The following CACNB2 variants were observed in gnomAD, a reference collection of about 807,000 sequenced individuals.
The protein encoded by CACNB2 is calcium voltage-gated channel auxiliary subunit beta 2.
Under a neutral mutation model 73.3 loss-of-function variants are expected in CACNB2, and 42 were observed. The observed-to-expected ratio is 0.57, with a 90% CI of 0.45 to 0.74. The LOEUF (loss-of-function observed/expected upper bound fraction) is 0.74, where lower values mean the gene tolerates loss of function less well. Ranked by LOEUF, CACNB2 falls within the 30% of genes least tolerant of loss-of-function variation. The probability of loss-of-function intolerance (pLI) is 0.00; values close to 1 mark genes in which losing one functional copy is unlikely to be tolerated. For missense variants in CACNB2, 940 were observed against 853.0 expected (o/e 1.10, Z -1.27); for synonymous variants, 348 against 310.3 (o/e 1.12, Z -1.28).
At chr10:18,532,754 C>T (rs2053193251) in intron 10 of CACNB2, among the ~76,000 whole-genome samples, 1 of 149,166 alleles carries the variant, frequency 6.7e-6, no homozygotes, top group South Asian at 2.1e-4. Context: ...TAAACTTGTA[C>T]TACTCAAACC....
chr10:18,410,695 G>A (rs2044572804), intron 3 of CACNB2, among the ~76,000 whole-genome samples: 1 of 152,086 alleles, frequency 6.6e-6, no homozygotes, highest in Admixed American at 6.5e-5. Flanking sequence ...AAAAAAAAAT[G>A]TGTTGGCTGG....
intron 2 of CACNB2, among the ~76,000 whole-genome samples, chr10:18,377,904 A>T (rs2042866651): frequency 1.3e-5 from 2 of 152,210 alleles, no homozygotes; most frequent in Admixed American, 1.3e-4. Flanking sequence ...TTACATTTAA[A>T]TTTTTACCCA....
chr10:18,253,917 G>A (rs991991247), intron 2 of CACNB2, among the ~76,000 whole-genome samples: 3 of 152,108 alleles, frequency 2.0e-5, no homozygotes, highest in Admixed American at 6.6e-5. Context: ...TCTGAATGAT[G>A]GGTACAATAG....
At chr10:18,441,270 TG>T (rs1329461072) in intron 3 of CACNB2, among the ~76,000 whole-genome samples, 1 of 152,170 alleles carries the variant, frequency 6.6e-6, no homozygotes, top group Non-Finnish European at 1.5e-5. Flanking sequence ...CTGGGTGTGG[TG>T]GCGCATGCCT....
At chr10:18,455,377 A>G (rs768672309) in intron 3 of CACNB2, among the ~76,000 whole-genome samples, 1 of 152,170 alleles carries the variant, frequency 6.6e-6, no homozygotes, top group Non-Finnish European at 1.5e-5. Context: ...AGTTACTTGG[A>G]AGAACTGAGG....
intron 2 of CACNB2, among the ~76,000 whole-genome samples, chr10:18,383,599 A>T (rs554574329): frequency 6.6e-6 from 1 of 152,342 alleles, no homozygotes; most frequent in Non-Finnish European, 1.5e-5. Context: ...AAGCTTTCAT[A>T]TTAGCAGCGA....
intron 2 of CACNB2, among the ~76,000 whole-genome samples, chr10:18,161,877 C>A (rs996153544): frequency 2.0e-5 from 3 of 152,020 alleles, no homozygotes; most frequent in African/African-American, 7.3e-5. Context: ...TCCAGTGAGC[C>A]AAGATCACAC....
chr10:18,148,866 G>A (rs1453875136), intron 1 of CACNB2, among the ~76,000 whole-genome samples: 1 of 151,982 alleles, frequency 6.6e-6, no homozygotes, highest in African/African-American at 2.4e-5. Context: ...GGCAATGTGT[G>A]CCTGTAGTTC....
intron 2 of CACNB2, among the ~76,000 whole-genome samples, chr10:18,273,176 T>C (rs1380983367): frequency 1.3e-5 from 2 of 152,066 alleles, no homozygotes; most frequent in Non-Finnish European, 2.9e-5. Context: ...GTGAGTCAGC[T>C]CACCTCAAGT....
chr10:18,232,868 G>T (rs1351305070), intron 2 of CACNB2, among the ~76,000 whole-genome samples: 1 of 152,130 alleles, frequency 6.6e-6, no homozygotes, highest in East Asian at 1.9e-4. Flanking sequence ...CAGGCAGATG[G>T]CTTGAGCCAT....
intron 3 of CACNB2, among the ~76,000 whole-genome samples, chr10:18,429,164 T>C (rs1177092883): frequency 6.6e-6 from 1 of 152,234 alleles, no homozygotes; most frequent in East Asian, 1.9e-4. Flanking sequence ...GATAGTTTTG[T>C]TGAAAATGAT....
chr10:18,246,212 C>G, intron 2 of CACNB2, among the ~76,000 whole-genome samples: 1 of 152,150 alleles, frequency 6.6e-6, no homozygotes, highest in Non-Finnish European at 1.5e-5. Flanking sequence ...AACCTCTAGG[C>G]TCAGCTTTCC....
intron 2 of CACNB2, chr10:18,400,555 C>G: frequency 9.8e-7 from 1 of 1,022,828 alleles, no homozygotes; most frequent in Non-Finnish European, 1.2e-6. Context: ...CCTCCTCCCT[C>G]CGCCTCCCCC....
intron 3 of CACNB2, among the ~76,000 whole-genome samples, chr10:18,442,988 ATATATATATGTGTATATATATATATG>A (rs1405892988): frequency 0.12 from 2,739 of 23,162 alleles, 239 homozygotes; most frequent in Non-Finnish European, 0.14. Context: ...ATATATATGT[ATATATATATGTGTATATATATATATG>A]TATATATATA....
In CACNB2 at chr10:18,311,957, C is replaced by G. The variant is rs529839678; in HGVS notation, c.214-89967C>G. On this transcript the variant is annotated intron_variant, in intron 2 of 13. Coordinates refer to ENST00000324631, the MANE Select transcript of CACNB2 (RefSeq NM_201596.3). ...CCTGGGCAGAGCTGACTTTTCTTCT[C>G]CAATGATAGTCCCCTTCTATACTTC... Among the ~76,000 whole-genome samples, 4 of 152,284 alleles carry G rather than the reference C, an allele frequency of 2.6e-5. No homozygotes were observed. The East Asian group carries it at 7.7e-4, about 29-fold the overall frequency.
intron 2 of CACNB2, among the ~76,000 whole-genome samples, chr10:18,383,438 G>T (rs1219955987): frequency 6.6e-6 from 1 of 152,212 alleles, no homozygotes; most frequent in African/African-American, 2.4e-5. Flanking sequence ...TGAGTGACTT[G>T]ACTAGGGTTG....
At chr10:18,157,670 G>C (rs1466164154) in intron 2 of CACNB2, among the ~76,000 whole-genome samples, 1 of 152,128 alleles carries the variant, frequency 6.6e-6, no homozygotes, top group Non-Finnish European at 1.5e-5. Context: ...TGTAAGGTTG[G>C]AGTCAAAATC....
intron 2 of CACNB2, among the ~76,000 whole-genome samples, chr10:18,363,661 A>G (rs2042230386): frequency 6.6e-6 from 1 of 152,170 alleles, no homozygotes; most frequent in South Asian, 2.1e-4. Context: ...TGACTAGACA[A>G]TGTGGCCAAA....
chr10:18,200,921 C>A (rs1285869190), intron 2 of CACNB2, among the ~76,000 whole-genome samples: 1 of 152,162 alleles, frequency 6.6e-6, no homozygotes, highest in East Asian at 1.9e-4. Flanking sequence ...CTTTGCACTA[C>A]ATTTATTTTT....
Sources: allele counts gnomAD v4.1 joint callset (sites outside exome capture counted in the v4.1 genomes callset), GRCh38; gene constraint gnomAD v4.1.1; transcripts MANE v1.5; gene names NCBI Gene and HGNC (gene_info 2026-07-23, HGNC 2026-07-21).